The following MARCHF3 variants were observed in gnomAD, a reference collection of about 807,000 sequenced individuals.
The protein encoded by MARCHF3 is E3 ubiquitin-protein ligase MARCHF3.
A neutral mutation model predicts 24.2 loss-of-function variants in MARCHF3; 13 were observed. The ratio of observed to expected loss-of-function variants is 0.54; its 90% CI spans 0.35 to 0.85. The LOEUF is 0.85. Ranked by LOEUF, MARCHF3 falls within the 40% of genes least tolerant of loss-of-function variation. The probability of loss-of-function intolerance (pLI) is 0.01; values close to 1 mark genes in which losing one functional copy is unlikely to be tolerated. For missense variants in MARCHF3, 276 were observed against 325.0 expected (o/e 0.85, Z 1.16); for synonymous variants, 144 against 137.3 (o/e 1.05, Z -0.34).
At chr5:126,903,938 T>A (rs1220903133) in intron 3 of MARCHF3, among the ~76,000 whole-genome samples, 1 of 150,620 alleles carries the variant, frequency 6.6e-6, no homozygotes, top group African/African-American at 2.4e-5. Flanking sequence ...GCATTAGGTA[T>A]ATCTCCCAAT....
At chr5:126,895,831 G>T (rs1753870108) in intron 3 of MARCHF3, among the ~76,000 whole-genome samples, 7 of 152,162 alleles carry the variant, frequency 4.6e-5, no homozygotes, top group Admixed American at 4.6e-4. Flanking sequence ...GAGCTGTGGT[G>T]GGCTCCACCC....
chr5:126,947,008 T>C (rs1750047042), intron 1 of MARCHF3, among the ~76,000 whole-genome samples: 1 of 152,252 alleles, frequency 6.6e-6, no homozygotes, highest in Non-Finnish European at 1.5e-5. Context: ...CTTTTCAACA[T>C]ATGTCAAAAC....
intron 4 of MARCHF3, among the ~76,000 whole-genome samples, chr5:126,874,305 C>T (rs926937177): frequency 1.3e-5 from 2 of 152,118 alleles, no homozygotes; most frequent in South Asian, 2.1e-4. Context: ...TCACAGCAGG[C>T]GGCCTGGTGC....
chr5:126,910,296 A>T (rs180873862), intron 3 of MARCHF3, among the ~76,000 whole-genome samples: 1 of 152,206 alleles, frequency 6.6e-6, no homozygotes, highest in Non-Finnish European at 1.5e-5. Context: ...ATATTCCATC[A>T]CTAGAAACTG....
At chr5:127,000,765 C>T (rs1752100855) in intron 1 of MARCHF3, among the ~76,000 whole-genome samples, 2 of 151,958 alleles carry the variant, frequency 1.3e-5, no homozygotes, top group South Asian at 4.2e-4. Context: ...GTGGCGCTAT[C>T]TCGGCTCACT....
chr5:126,968,927 T>C (rs1184574835), intron 1 of MARCHF3, among the ~76,000 whole-genome samples: 1 of 152,204 alleles, frequency 6.6e-6, no homozygotes, highest in Non-Finnish European at 1.5e-5. Flanking sequence ...AGATAAGTGA[T>C]ATGCAAATAT....
Position 126,916,688 on chromosome 5 carries a change from G to GACACACACACAC in MARCHF3, c.188+1295_188+1296insGTGTGTGTGTGT, listed in dbSNP as rs756972169. On this transcript the variant is annotated intron_variant, in intron 2 of 4. Transcript: ENST00000308660. ...GGTAAAAATACCTGACAGACAGACA[G>GACACACACACAC]ACAGACACACACACACACACACACA... Among the ~76,000 whole-genome samples, 553 of 76,400 alleles carry GACACACACACAC rather than the reference G, an allele frequency of 7.2e-3. 6 individuals are homozygous for GACACACACACAC. Among genetic ancestry groups the GACACACACACAC allele is most frequent in the African/African-American group, 0.02 (466 of 22,804 alleles). 50.1% of individuals were successfully genotyped at this position (76,400 alleles called of 152,430 possible).
At chr5:126,994,599 C>T (rs2126845943) in intron 1 of MARCHF3, among the ~76,000 whole-genome samples, 1 of 152,310 alleles carries the variant, frequency 6.6e-6, no homozygotes, top group Non-Finnish European at 1.5e-5. Context: ...AACTGATTAA[C>T]CTCCCACTTA....
intron 1 of MARCHF3, among the ~76,000 whole-genome samples, chr5:127,025,581 T>G (rs1274930448): frequency 6.6e-6 from 1 of 152,194 alleles, no homozygotes; most frequent in African/African-American, 2.4e-5. Flanking sequence ...TTTGTTTTCC[T>G]TCTGTAACCC....
At chr5:126,966,472 G>A (rs1750816085) in intron 1 of MARCHF3, among the ~76,000 whole-genome samples, 1 of 151,990 alleles carries the variant, frequency 6.6e-6, no homozygotes, top group Non-Finnish European at 1.5e-5. Context: ...GTTTCAGAAA[G>A]GATGTTTATA....
At chr5:126,964,979 G>A (rs1750756584) in intron 1 of MARCHF3, among the ~76,000 whole-genome samples, 1 of 149,752 alleles carries the variant, frequency 6.7e-6, no homozygotes, top group African/African-American at 2.5e-5. Context: ...TGAAATGGGA[G>A]CCTTCTTGAC....
intron 1 of MARCHF3, among the ~76,000 whole-genome samples, chr5:126,981,697 C>G (rs1461861463): frequency 1.3e-5 from 2 of 152,166 alleles, no homozygotes; most frequent in East Asian, 3.8e-4. Context: ...TCTCACTATA[C>G]CAGCAAATTG....
At chr5:126,963,722 T>G (rs1027411831) in intron 1 of MARCHF3, among the ~76,000 whole-genome samples, 2 of 152,206 alleles carry the variant, frequency 1.3e-5, no homozygotes. Flanking sequence ...AAAGAGCAAG[T>G]AGAGGATTTT....
Position 126,870,748 on chromosome 5 carries a change from C to A in MARCHF3, c.647G>T (p.Arg216Leu). 2 of 1,614,138 alleles carry A rather than the reference C, an allele frequency of 1.2e-6. No individual in the cohort carries two copies. Among genetic ancestry groups the A allele is most frequent in the South Asian group, 2.2e-5 (2 of 91,064 alleles). ...YHCRLYNEWR[R>L]TNQRVILLIP... is the part of the protein sequence containing the mutation. ...GAGGAGAATCACCCTCTGATTGGTC[C>A]GACGCCACTCGTTGTACAATCGACA... The change falls in exon 5 of 5, where the codon CGG becomes CTG. Residue 216 changes from arginine (R) to leucine (L), a missense_variant. Physicochemically the swap from Arg to Leu is moderately radical, Grantham distance 102. Transcript: ENST00000308660.
intron 3 of MARCHF3, among the ~76,000 whole-genome samples, chr5:126,895,802 G>GAGGC (rs1753867979): frequency 6.6e-6 from 1 of 152,180 alleles, no homozygotes. Flanking sequence ...GGAGCCTACA[G>GAGGC]AGGCAGGCAG....
intron 1 of MARCHF3, among the ~76,000 whole-genome samples, chr5:126,937,358 G>A (rs969036874): frequency 7.2e-5 from 11 of 151,980 alleles, no homozygotes; most frequent in African/African-American, 2.7e-4. Context: ...CAAGAAAGAT[G>A]CCAATTTAAA....
chr5:127,004,146 G>A (rs568584800), intron 1 of MARCHF3, among the ~76,000 whole-genome samples: 6 of 152,296 alleles, frequency 3.9e-5, no homozygotes, highest in African/African-American at 1.4e-4. Context: ...AGGAGAGCCC[G>A]TCTAGTCCTA....
chr5:126,970,356 G>A (rs911342981), intron 1 of MARCHF3, among the ~76,000 whole-genome samples: 2 of 152,110 alleles, frequency 1.3e-5, no homozygotes, highest in African/African-American at 4.8e-5. Context: ...CCAACGTGCT[G>A]GGATTACAGG....
chr5:126,950,550 T>C (rs1424494395), intron 1 of MARCHF3, among the ~76,000 whole-genome samples: 1 of 152,130 alleles, frequency 6.6e-6, no homozygotes, highest in Non-Finnish European at 1.5e-5. Flanking sequence ...TGACTCTGCC[T>C]CTCCAGCTGC....
Sources: gnomAD v4.1 joint callset for allele counts (sites outside exome capture counted in the v4.1 genomes callset) on GRCh38, gnomAD v4.1.1 for gene constraint, MANE v1.5 for transcripts, NCBI Gene and HGNC (gene_info 2026-07-23, HGNC 2026-07-21) for gene names.